Variants in AKAP13 observed in about 807,000 individuals in gnomAD.
AKAP13 encodes the protein A-kinase anchor protein 13.
AKAP13 carries 80 observed loss-of-function variants against 264.5 expected under a neutral mutation model. That is an observed-to-expected ratio of 0.30 (90% confidence interval 0.25 to 0.36). The LOEUF (loss-of-function observed/expected upper bound fraction) is 0.36. Among genes scored for constraint, AKAP13 ranks in the 10% least tolerant of loss-of-function variants. The probability of loss-of-function intolerance (pLI) is 1.00; values close to 1 mark genes in which losing one functional copy is unlikely to be tolerated. For synonymous variants in AKAP13, 1,380 were observed against 1,250.2 expected (o/e 1.10, Z -2.19); for missense variants, 3,712 against 3,435.2 (o/e 1.08, Z -2.01).
At chr15:85,532,619 G>A (rs2077276325) in intron 3 of AKAP13, among the ~76,000 whole-genome samples, 1 of 152,250 alleles carries the variant, frequency 6.6e-6, no homozygotes, top group Middle Eastern at 3.2e-3. Context: ...TGAGATCAGT[G>A]TGTGAAAACA....
chr15:85,594,450 C>T (rs1020787954), intron 8 of AKAP13, among the ~76,000 whole-genome samples: 3 of 152,200 alleles, frequency 2.0e-5, no homozygotes, highest in African/African-American at 4.8e-5. Flanking sequence ...CTAAATTCTC[C>T]TTTCTAAGGA....
chr15:85,466,704 T>A (rs923213299), intron 1 of AKAP13, among the ~76,000 whole-genome samples: 1 of 152,208 alleles, frequency 6.6e-6, no homozygotes, highest in Non-Finnish European at 1.5e-5. Context: ...TTCATCATAA[T>A]GGGCACACAG....
At chr15:85,687,413 C>G (rs768246065) in intron 16 of AKAP13, among the ~76,000 whole-genome samples, 1 of 152,182 alleles carries the variant, frequency 6.6e-6, no homozygotes, top group Non-Finnish European at 1.5e-5. Context: ...AGACCGAAAT[C>G]TGTGATCACT....
intron 13 of AKAP13, among the ~76,000 whole-genome samples, chr15:85,665,252 AATATTCC>A (rs934268067): frequency 6.6e-6 from 1 of 152,332 alleles, no homozygotes; most frequent in Admixed American, 6.5e-5. Context: ...CATAGATTTA[AATATTCC>A]ATCAAGGCAC....
intron 1 of AKAP13, among the ~76,000 whole-genome samples, chr15:85,459,151 C>T (rs2074406132): frequency 1.3e-5 from 2 of 152,290 alleles, no homozygotes; most frequent in Middle Eastern, 6.8e-3. Context: ...AAAAGTAACA[C>T]TAGAATTTAA....
intron 2 of AKAP13, among the ~76,000 whole-genome samples, chr15:85,491,539 T>TA (rs2075728374): frequency 7.0e-6 from 1 of 143,352 alleles, no homozygotes; most frequent in South Asian, 2.1e-4. Context: ...ATTTTATATA[T>TA]AATATATATA....
In AKAP13 at chr15:85,684,747, A is replaced by T. The variant is rs74825015; in HGVS notation, c.5163A>T (p.Thr1721=). 507 of 1,611,478 alleles carry T rather than the reference A, an allele frequency of 3.1e-4. 2 individuals are homozygous for T. The African/African-American group carries it at 6.3e-3, about 20-fold the overall frequency. The change falls in exon 16 of 37, where the codon ACA becomes ACT. Residue 1721 remains threonine, a synonymous_variant. Coordinates refer to ENST00000394518, the MANE Select transcript of AKAP13 (RefSeq NM_007200.5). ...TCTTCTTGTTTTTATTTAGTATAAC[A>T]GAAGAGAACTATAATTTCCTGCCAC... ...NTSANLTESI[T]EENYNFLPHS...
intron 33 of AKAP13, among the ~76,000 whole-genome samples, chr15:85,738,844 C>CAAA (rs71468137): frequency 2.3e-4 from 17 of 72,382 alleles, no homozygotes; most frequent in East Asian, 1.3e-3. Flanking sequence ...GACTCCGTCT[C>CAAA]AAAAAAAAAA....
chr15:85,671,952 C>G (rs992369485), intron 14 of AKAP13, among the ~76,000 whole-genome samples: 5 of 152,156 alleles, frequency 3.3e-5, no homozygotes, highest in Admixed American at 1.3e-4. Context: ...TGAAACACTT[C>G]ATTATTTTTC....
At position 85,580,905 on chromosome 15, in the gene AKAP13, C is replaced by A. The variant is rs2079132796; in HGVS notation, c.2837C>A (p.Thr946Asn). The change falls in exon 7 of 37, where the codon ACT becomes AAT. Residue 946 changes from threonine (T) to asparagine (N), a missense_variant. Thr to Asn is a moderately conservative substitution (Grantham distance 65, BLOSUM62 0). This residue lies in a region of AKAP13 where 2,759 missense variants were observed against 2,411.7 expected (regional missense o/e 1.14). Coordinates refer to ENST00000394518, the MANE Select transcript of AKAP13 (RefSeq NM_007200.5). ...AAGGAAAATGCTCTCTCTTCAGGAA[C>A]TTTGCAGGAAGAGCAGAGAACACCA... ...SIKENALSSGTLQEEQRTPPP... is the reference protein window; with the variant it reads ...SIKENALSSGNLQEEQRTPPP... 1 of 1,614,082 alleles carries A rather than the reference C, an allele frequency of 6.2e-7. No homozygotes were observed. The highest frequency in any genetic ancestry group is 1.3e-5 in the African/African-American group (1 of 74,936).
chr15:85,633,513 T>A (rs2081940575), intron 8 of AKAP13, among the ~76,000 whole-genome samples: 1 of 150,580 alleles, frequency 6.6e-6, no homozygotes, highest in African/African-American at 2.4e-5. Flanking sequence ...TAAGAGAAAA[T>A]TCTCTGAATG....
chr15:85,533,919 G>A, intron 4 of AKAP13, 39 bp downstream of exon 4: 2 of 1,512,188 alleles, frequency 1.3e-6, no homozygotes, highest in Non-Finnish European at 1.8e-6. Context: ...CTTTAAGTTT[G>A]TGATATTTCT....
Position 85,635,060 on chromosome 15 carries a change from A to G in AKAP13, c.4162-4314A>G, listed in dbSNP as rs569390242. The G allele has an allele frequency of 1.1e-4, 44 of 398,206 alleles. 1 individual carries two copies. The Middle Eastern group carries it at 3.8e-3, about 34-fold the overall frequency. 24.7% of individuals were successfully genotyped at this position (398,206 alleles called of 1,614,324 possible). On this transcript the variant is annotated intron_variant, in intron 8 of 36. Coordinates refer to ENST00000394518, the MANE Select transcript of AKAP13 (RefSeq NM_007200.5). ...CCAGTGCAAGTCTTTGTGTGACAGT[A>G]GGTTTTGATTCTTCTTCGGTAAATG...
chr15:85,465,394 A>G (rs2074693183), intron 1 of AKAP13, among the ~76,000 whole-genome samples: 1 of 151,828 alleles, frequency 6.6e-6, no homozygotes, highest in Admixed American at 6.6e-5. Flanking sequence ...GTACATGTGC[A>G]CAATGTGCAG....
In AKAP13 at chr15:85,662,387, G is replaced by T. The variant is rs146891785; in HGVS notation, c.4800-2176G>T. On this transcript the variant is annotated intron_variant, in intron 12 of 36. Coordinates refer to ENST00000394518, the MANE Select transcript of AKAP13 (RefSeq NM_007200.5). ...GTTTCTGTCTTTGATGTCATCCCCA[G>T]TATGAGCTGGTGCCCCTCTGGTGTG... is the stretch of plus-strand genomic sequence containing the variant. 1.7e-5 allele frequency: 27 copies of T among 1,613,976 alleles called. No homozygotes were observed. In the African/African-American group the frequency reaches 3.6e-4, roughly 22 times the overall value.
rs2076898185 is a variant in AKAP13, at chr15:85,523,317, T to TG, written c.181+1747dup. ...TGGAGGGGTAGAGATAGAGGCATTT[T>TG]GGGGGTTAACTTGTTTTGCATTTCT... On this transcript the variant is annotated intron_variant, in intron 3 of 36. Coordinates refer to ENST00000394518, the MANE Select transcript of AKAP13 (RefSeq NM_007200.5). Among the ~76,000 whole-genome samples the TG allele has an allele frequency of 2.0e-5, 3 of 152,136 alleles. No individual in the cohort carries two copies. The South Asian group carries it at 6.2e-4, about 31-fold the overall frequency.
intron 30 of AKAP13, among the ~76,000 whole-genome samples, chr15:85,734,730 T>G (rs2088314844): frequency 6.6e-6 from 1 of 152,220 alleles, no homozygotes; most frequent in Non-Finnish European, 1.5e-5. Flanking sequence ...TCACTTCTAG[T>G]AAATTACTCT....
At chr15:85,406,760 T>C (rs1180946023) in intron 1 of AKAP13, among the ~76,000 whole-genome samples, 1 of 151,790 alleles carries the variant, frequency 6.6e-6, no homozygotes, top group East Asian at 1.9e-4. Flanking sequence ...TTTGTAAATG[T>C]AATTAGATTT....
chr15:85,458,392 T>G (rs28410358), intron 1 of AKAP13, among the ~76,000 whole-genome samples: 25 of 122,936 alleles, frequency 2.0e-4, no homozygotes, highest in African/African-American at 9.3e-4. Context: ...TTTTGTTTTT[T>G]GTTTTTTTTT....
Sources: allele counts gnomAD v4.1 joint callset (sites outside exome capture counted in the v4.1 genomes callset), GRCh38; gene constraint gnomAD v4.1.1; regional missense constraint gnomAD v4.1.1; transcripts MANE v1.5; gene names NCBI Gene and HGNC (gene_info 2026-07-23, HGNC 2026-07-21).